ITPR3: variants seen among roughly 807,000 people sequenced by gnomAD.
The protein encoded by ITPR3 is inositol 1,4,5-trisphosphate receptor type 3, also known as inositol 1,4,5-trisphosphate-gated calcium channel ITPR3.
A neutral mutation model predicts 293.2 loss-of-function variants in ITPR3; 173 were observed. That is an observed-to-expected ratio of 0.59 (90% CI 0.52 to 0.67). ITPR3 has a LOEUF of 0.67. Ranked by LOEUF, ITPR3 falls within the 30% of genes least tolerant of loss-of-function variation. ITPR3 has a pLI of 0.00. For synonymous variants in ITPR3, 1,295 were observed against 1,444.4 expected (o/e 0.90, Z 2.35); for missense variants, 2,796 against 3,592.1 (o/e 0.78, Z 5.66).
intron 7 of ITPR3, among the ~76,000 whole-genome samples, 200 bp from the exon 8 acceptor site, chr6:33,662,328 A>T (rs1343060319): frequency 6.6e-6 from 1 of 152,000 alleles, no homozygotes; most frequent in Non-Finnish European, 1.5e-5. Flanking sequence ...GGGGTCTGGG[A>T]TGCGGGCTGA....
Position 33,690,095 on chromosome 6 carries a change from G to A in ITPR3, c.6929G>A (p.Gly2310Asp). The part of the protein sequence containing the change: ...FVGNRGTFIR[G>D]YKAMVMDMEF... Reference sequence around the variant, plus strand: ...GGCAACCGTGGCACCTTCATCCGGGGCTATAAGGCCATGGTCATGGACATG... The same window carrying A: ...GGCAACCGTGGCACCTTCATCCGGGACTATAAGGCCATGGTCATGGACATG... Residue 2310 changes from glycine to aspartate, a missense_variant, in exon 51 of 58, where the codon GGC (glycine) becomes GAC (aspartate). By Grantham distance (94) the Gly-to-Asp change is moderately conservative (BLOSUM62 -1). Around this residue, in one of 8 missense-constraint regions of ITPR3, gnomAD observed 568 missense variants for 796.1 expected, o/e 0.71. Coordinates refer to ENST00000605930, the MANE Select transcript of ITPR3 (RefSeq NM_002224.4). The A allele has an allele frequency of 6.2e-7, 1 of 1,614,182 alleles. No individual in the cohort carries two copies.
intron 39 of ITPR3, among the ~76,000 whole-genome samples, chr6:33,685,145 A>C (rs1765190407): frequency 6.6e-6 from 1 of 152,108 alleles, no homozygotes; most frequent in Admixed American, 6.5e-5. Context: ...GCAGAGGGGT[A>C]TGCGGGGGTG....
Position 33,691,521 on chromosome 6 carries a change from G to A in ITPR3, c.7226-94G>A. The A allele has an allele frequency of 3.9e-6, 4 of 1,032,830 alleles. No individual in the cohort carries two copies. Among genetic ancestry groups the A allele is most frequent in the Non-Finnish European group, 5.8e-6 (4 of 685,088 alleles). 64.0% of individuals were successfully genotyped at this position (1,032,830 alleles called of 1,614,324 possible). The stretch of plus-strand genomic sequence containing the variant: ...TGGAGGGCTGGCGATCCAGGACCAG[G>A]GAAGGTTTCCTGGAGGATGTGACAC... On this transcript the variant is annotated intron_variant, in intron 52 of 57. Transcript: ENST00000605930. The surrounding 1 kb of genome is among the most constrained non-coding windows in gnomAD (Gnocchi z 4.9).
chr6:33,623,197 G>A lies in ITPR3; in HGVS notation c.89+1506G>A, dbSNP rs903723731. ...GGTGTGGGGACTGGGAGGGACATAG[G>A]GATCTATCGTGGAAGTCCCCTCCTA... is the stretch of plus-strand genomic sequence containing the variant. On this transcript the variant is annotated intron_variant, in intron 1 of 57. Coordinates refer to ENST00000605930, the MANE Select transcript of ITPR3 (RefSeq NM_002224.4). 2.6e-5 allele frequency among the ~76,000 whole-genome samples: 4 copies of A among 152,070 alleles called. No homozygotes were observed. The East Asian group carries it at 7.7e-4, about 29-fold the overall frequency.
chr6:33,694,047 G>A (rs959741173), intron 56 of ITPR3, among the ~76,000 whole-genome samples: 3 of 152,160 alleles, frequency 2.0e-5, no homozygotes, highest in African/African-American at 7.2e-5. Flanking sequence ...TGGGCCTGTC[G>A]TGCAGTGATG....
Position 33,688,757 on chromosome 6 carries a change from C to G in ITPR3, c.6670C>G (p.Pro2224Ala), listed in dbSNP as rs1426232454. 1 of 1,614,072 alleles carries G rather than the reference C, an allele frequency of 6.2e-7. No individual in the cohort carries two copies. The highest frequency in any genetic ancestry group is 8.5e-7 in the Non-Finnish European group (1 of 1,180,032). Reference sequence around the variant, plus strand: ...CAACATCATCATTGCCTTCTTCTACCCTTACATGGAGGGCGCGTCCACAGG... The same window carrying G: ...CAACATCATCATTGCCTTCTTCTACGCTTACATGGAGGGCGCGTCCACAGG... ...FINIIIAFFYPYMEGASTGVL... is the reference protein window; with the variant it reads ...FINIIIAFFYAYMEGASTGVL... Residue 2224 changes from proline (P) to alanine (A), a missense_variant, in exon 49 of 58, where the codon CCT becomes GCT. Around this residue, in one of 8 missense-constraint regions of ITPR3, gnomAD observed 568 missense variants for 796.1 expected, o/e 0.71. Transcript: ENST00000605930.
In ITPR3 at chr6:33,664,836, C is replaced by T. The variant is rs760354005; in HGVS notation, c.1149-34C>T. 6.5e-5 allele frequency: 103 copies of T among 1,595,460 alleles called. No homozygotes were observed. Among genetic ancestry groups the T allele is most frequent in the Non-Finnish European group, 7.8e-5 (91 of 1,165,782 alleles). ...GCAGCATGACGTGCTCTGTGGTGCA[C>T]TCCCCGAGTCCTTTCCCTCCCACCC... On this transcript the variant is annotated intron_variant, in intron 11 of 57. Transcript: ENST00000605930. The surrounding 1 kb of genome is among the most constrained non-coding windows in gnomAD (Gnocchi z 4.4).
chr6:33,683,497 T>C lies in ITPR3; in HGVS notation c.4788+100T>C. ...CAAGTTCTCGGGGAGTGTTTCTTCC[T>C]GTCCTGCCCACACTTCCAGGAAGGG... On this transcript the variant is annotated intron_variant, in intron 35 of 57. Coordinates refer to ENST00000605930, the MANE Select transcript of ITPR3 (RefSeq NM_002224.4). The surrounding 1 kb of genome is among the most constrained non-coding windows in gnomAD (Gnocchi z 4.5). 1 of 1,057,284 alleles carries C rather than the reference T, an allele frequency of 9.5e-7. No individual in the cohort carries two copies. The allele number at this position is 1,057,284 out of a possible 1,614,324, so 65.5% of individuals were successfully genotyped here. A position where few individuals can be genotyped will look rare whatever the true frequency, so the allele number is the denominator to read the frequency against.
chr6:33,659,571 C>A (rs750323451), intron 7 of ITPR3, 22 bp downstream of exon 7: 54 of 1,605,744 alleles, frequency 3.4e-5, no homozygotes, highest in Non-Finnish European at 4.5e-5. Context: ...GAACCCCTGC[C>A]CTGCCCAGCT....
At position 33,682,724 on chromosome 6, in the gene ITPR3, C is replaced by T; in HGVS notation, c.4597+80C>T. 1.3e-6 allele frequency: 2 copies of T among 1,490,252 alleles called. No homozygotes were observed. Among genetic ancestry groups the T allele is most frequent in the South Asian group, 1.3e-5 (1 of 74,368 alleles). The allele number at this position is 1,490,252 out of a possible 1,614,324, so 92.3% of individuals were successfully genotyped here. A position where few individuals can be genotyped will look rare whatever the true frequency, so the allele number is the denominator to read the frequency against. On this transcript the variant is annotated intron_variant, in intron 34 of 57. Coordinates refer to ENST00000605930, the MANE Select transcript of ITPR3 (RefSeq NM_002224.4). This position sits in a 1 kb window ranked among gnomAD's most constrained non-coding sequence, Gnocchi z 5.4. ...TGGGGACGCCTGCCCTCCTAATAAACACTTTATCCCTAAGCTCGCCCATCT... is the reference window on the plus strand; with the variant it reads ...TGGGGACGCCTGCCCTCCTAATAAATACTTTATCCCTAAGCTCGCCCATCT...
chr6:33,695,742 C>T lies in ITPR3; in HGVS notation c.7978C>T (p.Leu2660=). The T allele has an allele frequency of 6.2e-7, 1 of 1,614,192 alleles. No homozygotes were observed. Among genetic ancestry groups the T allele is most frequent in the South Asian group, 1.1e-5 (1 of 91,090 alleles). Residue 2660 remains leucine, a synonymous_variant, in exon 58 of 58, where the codon CTA becomes TTA. Coordinates refer to ENST00000605930, the MANE Select transcript of ITPR3 (RefSeq NM_002224.4). The part of the protein sequence containing the change: ...MTEQRKRRQR[L]GFVDVQNCIS... The stretch of plus-strand genomic sequence containing the variant: ...GGAGCAGCGGAAACGCAGGCAACGC[C>T]TAGGCTTTGTGGATGTCCAGAACTG...
At chr6:33,639,729 G>A (rs62407631) in intron 1 of ITPR3, among the ~76,000 whole-genome samples, 12,472 of 151,962 alleles carry the variant, frequency 0.082, 565 homozygotes, top group Non-Finnish European at 0.1. Context: ...TGCATGGGTG[G>A]GTGGATGAAT....
At position 33,621,567 on chromosome 6, in the gene ITPR3, C is replaced by T. The variant is rs750090577; in HGVS notation, c.-36C>T. The T allele has an allele frequency of 5.9e-6, 9 of 1,515,608 alleles. No homozygotes were observed. The East Asian group carries it at 1.7e-4, about 28-fold the overall frequency. The allele number at this position is 1,515,608 out of a possible 1,614,324, so 93.9% of individuals were successfully genotyped here. A position where few individuals can be genotyped will look rare whatever the true frequency, so the allele number is the denominator to read the frequency against. ...CTGAGCTTGGCCACGCGCCCCTAGGCGCCCCCCACGCCCTGGGCCCCGGAG... is the reference window on the plus strand; with the variant it reads ...CTGAGCTTGGCCACGCGCCCCTAGGTGCCCCCCACGCCCTGGGCCCCGGAG... On this transcript the variant is annotated 5_prime_UTR_variant, in exon 1 of 58. Transcript: ENST00000605930. The surrounding 1 kb of genome is among the most constrained non-coding windows in gnomAD (Gnocchi z 7.7).
intron 1 of ITPR3, among the ~76,000 whole-genome samples, chr6:33,631,970 G>A (rs1763693276): frequency 6.6e-6 from 1 of 152,140 alleles, no homozygotes; most frequent in Admixed American, 6.5e-5. Flanking sequence ...GATTAATAGT[G>A]ATTGCTAATT....
At position 33,667,217 on chromosome 6, in the gene ITPR3, C is replaced by T; in HGVS notation, c.1640C>T (p.Ala547Val). The change falls in exon 15 of 58, where the codon GCC becomes GTC. Residue 547 changes from alanine to valine, a missense_variant. By Grantham distance (64) the Ala-to-Val change is moderately conservative. Coordinates refer to ENST00000605930, the MANE Select transcript of ITPR3 (RefSeq NM_002224.4). This position sits in a 1 kb window ranked among gnomAD's most constrained non-coding sequence, Gnocchi z 4.4. ...GAGGAGCTGTCAGACCAGAAGAACGCCCCCTACCAGCACATGTTCCGCCTG... is the reference window on the plus strand; with the variant it reads ...GAGGAGCTGTCAGACCAGAAGAACGTCCCCTACCAGCACATGTTCCGCCTG... ...RLEELSDQKN[A>V]PYQHMFRLCY... The T allele has an allele frequency of 6.2e-7, 1 of 1,614,032 alleles. No individual in the cohort carries two copies. The highest frequency in any genetic ancestry group is 8.5e-7 in the Non-Finnish European group (1 of 1,180,000).
intron 2 of ITPR3, among the ~76,000 whole-genome samples, chr6:33,653,997 G>A (rs1019880754): frequency 2.0e-5 from 3 of 152,222 alleles, no homozygotes; most frequent in Non-Finnish European, 4.4e-5. Context: ...GCCGGGCGTG[G>A]TGGCTCACGC....
rs747315668 is a variant in ITPR3, at chr6:33,688,447, C to T, written c.6568+16C>T. The stretch of plus-strand genomic sequence containing the variant: ...AAGCTCCGCAGTGAGGACCCACGGG[C>T]GGGAGGGTGGGGCGGTCTGGAGCTG... On this transcript the variant is annotated intron_variant, in intron 48 of 57. Transcript: ENST00000605930. The T allele has an allele frequency of 3.6e-4, 37 of 102,690 alleles. No homozygotes were observed. The East Asian group carries it at 3.7e-3, about 10-fold the overall frequency. The allele number at this position is 102,690 out of a possible 1,614,324, so 6.4% of individuals were successfully genotyped here.
At chr6:33,636,241 G>T (rs551088230) in intron 1 of ITPR3, among the ~76,000 whole-genome samples, 1 of 152,006 alleles carries the variant, frequency 6.6e-6, no homozygotes, top group African/African-American at 2.4e-5. Context: ...GGCAGAGGTT[G>T]CAGTGAGCCA....
rs1765272379 is a variant in ITPR3 at position 33,687,685 on chromosome 6, G to A, written c.6264+121G>A. 1.2e-6 allele frequency: 1 copy of A among 808,354 alleles called. No homozygotes were observed. The allele number at this position is 808,354 out of a possible 1,614,324, so 50.1% of individuals were successfully genotyped here. A position where few individuals can be genotyped will look rare whatever the true frequency, so the allele number is the denominator to read the frequency against. On this transcript the variant is annotated intron_variant, in intron 46 of 57. Coordinates refer to ENST00000605930, the MANE Select transcript of ITPR3 (RefSeq NM_002224.4). This position sits in a 1 kb window ranked among gnomAD's most constrained non-coding sequence, Gnocchi z 5.3. ...AGAATATGAGCCAGGCTAGAATTTG[G>A]GGGTACAGCTCAGGGGGCTGATTGG...
Sources: allele counts gnomAD v4.1 joint callset (sites outside exome capture counted in the v4.1 genomes callset), GRCh38; gene constraint gnomAD v4.1.1; regional missense constraint gnomAD v4.1.1; non-coding constraint Gnocchi (gnomAD v3.1); transcripts MANE v1.5; gene names NCBI Gene and HGNC (gene_info 2026-07-23, HGNC 2026-07-21).